Variants in CD2AP observed in about 807,000 individuals in gnomAD.
CD2AP encodes the protein CD2 associated protein.
CD2AP carries 46 observed loss-of-function variants against 85.1 expected under a neutral mutation model. The ratio of observed to expected loss-of-function variants is 0.54; its 90% CI spans 0.43 to 0.69. The LOEUF is 0.69. Among genes scored for constraint, CD2AP ranks in the 30% least tolerant of loss-of-function variants. The pLI is 0.00. For synonymous variants in CD2AP, 255 were observed against 252.9 expected (o/e 1.01, Z -0.08); for missense variants, 769 against 729.5 (o/e 1.05, Z -0.62).
chr6:47,484,769 A>G (rs1323025261), intron 1 of CD2AP, among the ~76,000 whole-genome samples: 5 of 152,158 alleles, frequency 3.3e-5, no homozygotes, highest in African/African-American at 9.7e-5. Context: ...TTAGTGCCTT[A>G]TTAGTGCCTC....
intron 1 of CD2AP, among the ~76,000 whole-genome samples, chr6:47,490,646 A>C (rs1365244585): frequency 6.6e-6 from 1 of 152,110 alleles, no homozygotes; most frequent in Non-Finnish European, 1.5e-5. Flanking sequence ...TTGAGATAAA[A>C]ATCTTTTTTG....
At position 47,609,787 on chromosome 6, in the gene CD2AP, G is replaced by T. The variant is rs79573431; in HGVS notation, c.1814+483G>T. Among the ~76,000 whole-genome samples, 1,426 of 152,214 alleles carry T rather than the reference G, an allele frequency of 9.4e-3. 23 individuals are homozygous for T. Among genetic ancestry groups the T allele is most frequent in the African/African-American group, 0.033 (1,366 of 41,544 alleles). ...CTCTTTTTGGCAAAAAAGTTAAATTGGTGAAGTTATTCTAGTAGCTGGATT... is the reference window on the plus strand; with the variant it reads ...CTCTTTTTGGCAAAAAAGTTAAATTTGTGAAGTTATTCTAGTAGCTGGATT... On this transcript the variant is annotated intron_variant, in intron 16 of 17. Coordinates refer to ENST00000359314, the MANE Select transcript of CD2AP (RefSeq NM_012120.3).
intron 12 of CD2AP, among the ~76,000 whole-genome samples, chr6:47,597,867 A>T (rs898693810): frequency 2.0e-5 from 3 of 150,554 alleles, no homozygotes. Context: ...TCCTGGAAAG[A>T]TTTCCTCTTT....
At chr6:47,502,204 C>G (rs757653488) in intron 1 of CD2AP, among the ~76,000 whole-genome samples, 5 of 152,196 alleles carry the variant, frequency 3.3e-5, no homozygotes, top group Admixed American at 2.0e-4. Flanking sequence ...GGTTGGCTTA[C>G]AGCATAGCAG....
rs144542576 is a variant in CD2AP at position 47,595,918 on chromosome 6, C to T, written c.1166C>T (p.Pro389Leu). Residue 389 changes from proline to leucine, a missense_variant, in exon 12 of 18, where the codon CCC becomes CTC. Physicochemically the swap from Pro to Leu is moderately conservative, Grantham distance 98 (BLOSUM62 -3). Transcript: ENST00000359314. ...PSKPAAPQVP[P>L]KKPTPPTKAS... ...AAACCAGCAGCTCCACAAGTCCCAC[C>T]CAAGAAACCTACTCCACCTACCAAA... is the stretch of plus-strand genomic sequence containing the variant. 5 of 1,612,582 alleles carry T rather than the reference C, an allele frequency of 3.1e-6. No individual in the cohort carries two copies. The African/African-American group carries it at 5.3e-5, about 17-fold the overall frequency.
chr6:47,505,020 T>C (rs1766098815), intron 2 of CD2AP, among the ~76,000 whole-genome samples: 2 of 83,612 alleles, frequency 2.4e-5, no homozygotes, highest in African/African-American at 8.3e-5. Flanking sequence ...TCTTTTTTTT[T>C]TTTTTTTTTT....
intron 2 of CD2AP, among the ~76,000 whole-genome samples, chr6:47,507,443 A>G (rs1176932317): frequency 3.3e-5 from 5 of 152,100 alleles, no homozygotes; most frequent in Non-Finnish European, 1.5e-5. Context: ...AAGAATCACT[A>G]TCTATGGCAG....
intron 2 of CD2AP, among the ~76,000 whole-genome samples, chr6:47,504,870 T>C (rs1766089772): frequency 6.6e-6 from 1 of 152,200 alleles, no homozygotes; most frequent in African/African-American, 2.4e-5. Flanking sequence ...GATACATTAA[T>C]TTTAAAATAT....
At chr6:47,601,687 A>T in intron 13 of CD2AP, among the ~76,000 whole-genome samples, 1 of 151,996 alleles carries the variant, frequency 6.6e-6, no homozygotes, top group Admixed American at 6.6e-5. Flanking sequence ...CTCTTCTGTG[A>T]TGTTAATACT....
intron 1 of CD2AP, among the ~76,000 whole-genome samples, chr6:47,489,427 C>T (rs1215022728): frequency 3.9e-5 from 6 of 152,042 alleles, no homozygotes; most frequent in East Asian, 1.9e-4. Flanking sequence ...CTGCCCGCCT[C>T]GGCCTCCCAA....
At chr6:47,603,477 T>C (rs534118541) in intron 13 of CD2AP, among the ~76,000 whole-genome samples, 1 of 152,190 alleles carries the variant, frequency 6.6e-6, no homozygotes, top group South Asian at 2.1e-4. Flanking sequence ...AGCCATCCTT[T>C]TGGAAACTGT....
chr6:47,554,918 C>A, intron 5 of CD2AP, 152 bp downstream of exon 5: 1 of 629,404 alleles, frequency 1.6e-6, no homozygotes, highest in Non-Finnish European at 2.7e-6. Context: ...ATGATGGGGA[C>A]CTAACTGAAT....
intron 2 of CD2AP, among the ~76,000 whole-genome samples, chr6:47,515,566 C>T (rs1216333336): frequency 6.6e-6 from 1 of 152,192 alleles, no homozygotes; most frequent in Non-Finnish European, 1.5e-5. Context: ...ATAGTTAACT[C>T]TATGACAGGC....
At chr6:47,620,981 G>A (rs1184643157) in intron 17 of CD2AP, among the ~76,000 whole-genome samples, 4 of 152,106 alleles carry the variant, frequency 2.6e-5, no homozygotes, top group South Asian at 2.1e-4. Flanking sequence ...TGATTGTATC[G>A]TCAGCAAACA....
At chr6:47,487,690 AAAACAAAC>A (rs140796042) in intron 1 of CD2AP, among the ~76,000 whole-genome samples, 18 of 151,502 alleles carry the variant, frequency 1.2e-4, no homozygotes, top group African/African-American at 2.4e-4. Flanking sequence ...ACTCTGTCTC[AAAACAAAC>A]AAACAAACAA....
At chr6:47,563,567 A>T (rs985880977) in intron 5 of CD2AP, among the ~76,000 whole-genome samples, 4 of 152,182 alleles carry the variant, frequency 2.6e-5, no homozygotes, top group Non-Finnish European at 5.9e-5. Context: ...TAATTTTCTT[A>T]CAAGGAGGGG....
chr6:47,578,563 A>G (rs945612785), intron 8 of CD2AP, among the ~76,000 whole-genome samples: 7 of 152,156 alleles, frequency 4.6e-5, no homozygotes, highest in African/African-American at 1.7e-4. Context: ...AATTTTTAGT[A>G]TATAAAGTGT....
chr6:47,501,207 C>G (rs1765989116), intron 1 of CD2AP, among the ~76,000 whole-genome samples: 1 of 152,096 alleles, frequency 6.6e-6, no homozygotes, highest in African/African-American at 2.4e-5. Flanking sequence ...AGTAATATAG[C>G]CAGACCCCAT....
At chr6:47,481,276 G>T (rs1340757000) in intron 1 of CD2AP, among the ~76,000 whole-genome samples, 2 of 152,066 alleles carry the variant, frequency 1.3e-5, no homozygotes, top group Non-Finnish European at 2.9e-5. Flanking sequence ...TAGATAAGGC[G>T]GTGAACTTTT....
Sources: allele counts gnomAD v4.1 joint callset (sites outside exome capture counted in the v4.1 genomes callset), GRCh38; gene constraint gnomAD v4.1.1; transcripts MANE v1.5; gene names NCBI Gene and HGNC (gene_info 2026-07-23, HGNC 2026-07-21).